The following GRIA1 variants were observed in gnomAD, a reference collection of about 807,000 sequenced individuals.
GRIA1 encodes glutamate receptor 1.
GRIA1 carries 31 observed loss-of-function variants against 99.2 expected under a neutral mutation model. The observed-to-expected ratio is 0.31, with a 90% CI of 0.23 to 0.42. The LOEUF (loss-of-function observed/expected upper bound fraction) is 0.42. GRIA1 is among the 10% of genes least tolerant of loss of function. GRIA1 has a pLI of 1.00. For missense variants in GRIA1, 782 were observed against 1,157.5 expected (o/e 0.68, Z 4.71); for synonymous variants, 438 against 432.4 (o/e 1.01, Z -0.16).
At chr5:153,781,395 C>G (rs1764618860) in intron 13 of GRIA1, among the ~76,000 whole-genome samples, 1 of 152,100 alleles carries the variant, frequency 6.6e-6, no homozygotes. Context: ...AAGCCAGTCT[C>G]CCTGTGGCCC....
chr5:153,497,136 A>G (rs1754518227), intron 2 of GRIA1, among the ~76,000 whole-genome samples: 3 of 152,234 alleles, frequency 2.0e-5, no homozygotes, highest in Admixed American at 2.0e-4. Context: ...TTCGTGTTCA[A>G]TCTTTCTTGC....
At chr5:153,514,664 G>A (rs547474182) in intron 2 of GRIA1, among the ~76,000 whole-genome samples, 2 of 152,150 alleles carry the variant, frequency 1.3e-5, no homozygotes, top group South Asian at 2.1e-4. Context: ...TGCTTTGGCT[G>A]TTTGGGATTT....
intron 2 of GRIA1, among the ~76,000 whole-genome samples, chr5:153,590,594 T>C (rs1040277917): frequency 1.3e-5 from 2 of 151,882 alleles, no homozygotes; most frequent in African/African-American, 4.8e-5. Flanking sequence ...TGGAGATCTT[T>C]TTCCTACAGG....
chr5:153,648,091 T>C (rs1437664751), intron 3 of GRIA1, among the ~76,000 whole-genome samples: 1 of 152,192 alleles, frequency 6.6e-6, no homozygotes, highest in Non-Finnish European at 1.5e-5. Flanking sequence ...ACAGTACTGA[T>C]GTGGTTGCCT....
At chr5:153,691,933 T>C (rs926295463) in intron 8 of GRIA1, among the ~76,000 whole-genome samples, 9 of 152,202 alleles carry the variant, frequency 5.9e-5, no homozygotes, top group Admixed American at 1.3e-4. Context: ...ACCACTTTCC[T>C]GTTGCCAGTA....
At chr5:153,605,970 A>G (rs1645894229) in intron 2 of GRIA1, among the ~76,000 whole-genome samples, 1 of 152,112 alleles carries the variant, frequency 6.6e-6, no homozygotes, top group Non-Finnish European at 1.5e-5. Flanking sequence ...CCAATTTATC[A>G]GTTTCTTCCT....
intron 13 of GRIA1, among the ~76,000 whole-genome samples, chr5:153,780,863 T>C (rs1226170964): frequency 2.0e-5 from 3 of 152,170 alleles, no homozygotes; most frequent in East Asian, 3.9e-4. Context: ...TACACCACAC[T>C]ACGATTGTTA....
At chr5:153,782,186 T>C (rs1764677888) in intron 13 of GRIA1, among the ~76,000 whole-genome samples, 1 of 152,236 alleles carries the variant, frequency 6.6e-6, no homozygotes, top group Non-Finnish European at 1.5e-5. Context: ...GTAGGTACTA[T>C]TAATAATCTC....
chr5:153,741,554 C>A (rs1339795999), intron 11 of GRIA1, among the ~76,000 whole-genome samples: 3 of 152,122 alleles, frequency 2.0e-5, no homozygotes, highest in African/African-American at 7.2e-5. Context: ...TGTACACATA[C>A]AGTGGAATAT....
intron 15 of GRIA1, 24 bp downstream of exon 15, chr5:153,802,514 T>C: frequency 6.2e-7 from 1 of 1,613,358 alleles, no homozygotes; most frequent in Non-Finnish European, 8.5e-7. Flanking sequence ...CCCGGGCCTT[T>C]TTCCTAACCT....
chr5:153,779,804 T>A (rs1053620229), intron 13 of GRIA1, among the ~76,000 whole-genome samples: 4 of 152,108 alleles, frequency 2.6e-5, no homozygotes, highest in Admixed American at 1.3e-4. Context: ...TCATGATCCA[T>A]CCGCCTCGGC....
chr5:153,634,132 C>T (rs1159344941), intron 2 of GRIA1, among the ~76,000 whole-genome samples: 2 of 151,706 alleles, frequency 1.3e-5, no homozygotes, highest in Admixed American at 6.6e-5. Flanking sequence ...CTGGCTAACA[C>T]GGTGAAACCC....
intron 2 of GRIA1, among the ~76,000 whole-genome samples, chr5:153,519,850 T>C (rs1319576759): frequency 1.3e-5 from 2 of 152,244 alleles, no homozygotes; most frequent in African/African-American, 2.4e-5. Context: ...ATTTTTGACA[T>C]TTTCAAGGCA....
chr5:153,606,878 G>A (rs1765484623), intron 2 of GRIA1, among the ~76,000 whole-genome samples: 1 of 103,980 alleles, frequency 9.6e-6, no homozygotes, highest in Non-Finnish European at 2.1e-5. Flanking sequence ...AGTACTTTAA[G>A]ATGTTTTTCA....
At chr5:153,492,372 C>T (rs1754006185) in intron 1 of GRIA1, 1 of 1,413,630 alleles carries the variant, frequency 7.1e-7, no homozygotes. Context: ...GAGACACTTC[C>T]CTTGTAGCCC....
chr5:153,584,296 G>A (rs934229048), intron 2 of GRIA1, among the ~76,000 whole-genome samples: 18 of 152,256 alleles, frequency 1.2e-4, no homozygotes, highest in Admixed American at 6.5e-4. Flanking sequence ...ATATTAACAC[G>A]ATCCTCTCTT....
intron 11 of GRIA1, among the ~76,000 whole-genome samples, chr5:153,725,240 G>A (rs1417639125): frequency 2.0e-5 from 3 of 151,630 alleles, no homozygotes; most frequent in African/African-American, 7.3e-5. Flanking sequence ...AAGAGCTCCT[G>A]AAGGAAGCAC....
chr5:153,576,010 A>G (rs1762501500), intron 2 of GRIA1, among the ~76,000 whole-genome samples: 1 of 152,224 alleles, frequency 6.6e-6, no homozygotes, highest in African/African-American at 2.4e-5. Context: ...ATTAAGATAC[A>G]GGTAGTTATG....
At chr5:153,767,728 A>T (rs555613786) in intron 12 of GRIA1, among the ~76,000 whole-genome samples, 4 of 152,332 alleles carry the variant, frequency 2.6e-5, no homozygotes, top group Admixed American at 1.3e-4. Context: ...TGGCAGCCCC[A>T]GCCCAGAGAT....
Sources: allele counts gnomAD v4.1 joint callset (sites outside exome capture counted in the v4.1 genomes callset), GRCh38; gene constraint gnomAD v4.1.1; transcripts MANE v1.5; gene names NCBI Gene and HGNC (gene_info 2026-07-23, HGNC 2026-07-21).